Variants in KAZN observed in about 807,000 individuals in gnomAD.
The protein encoded by KAZN is kazrin.
KAZN carries 40 observed loss-of-function variants against 87.4 expected under a neutral mutation model. That is an observed-to-expected ratio of 0.46 (90% CI 0.36 to 0.60). KAZN has a LOEUF of 0.60. Ranked by LOEUF, KAZN falls within the 20% of genes least tolerant of loss-of-function variation. The probability of loss-of-function intolerance (pLI) is 0.00; values close to 1 mark genes in which losing one functional copy is unlikely to be tolerated. For synonymous variants in KAZN, 466 were observed against 458.3 expected, an observed-to-expected ratio of 1.02 and a Z score of -0.22; for missense variants, 898 against 1,073.9, an observed-to-expected ratio of 0.84 and a Z score of 2.29.
intron 1 of KAZN, among the ~76,000 whole-genome samples, chr1:14,131,157 A>G (rs967186369): frequency 6.6e-6 from 1 of 152,158 alleles, no homozygotes; most frequent in Non-Finnish European, 1.5e-5. Flanking sequence ...AAACAGCCAG[A>G]TCTTGTGAGA....
chr1:13,964,521 T>C (rs1641871601), intron 1 of KAZN, among the ~76,000 whole-genome samples: 1 of 152,186 alleles, frequency 6.6e-6, no homozygotes, highest in African/African-American at 2.4e-5. Flanking sequence ...TGCTCATTCA[T>C]GTGTCTGTGG....
chr1:14,332,680 C>T (rs1351581733), intron 2 of KAZN, among the ~76,000 whole-genome samples: 1 of 152,120 alleles, frequency 6.6e-6, no homozygotes, highest in Non-Finnish European at 1.5e-5. Flanking sequence ...CTGCACTAGA[C>T]TTGGACTCCA....
At chr1:14,581,085 C>G (rs978089075) in intron 2 of KAZN, among the ~76,000 whole-genome samples, 1 of 152,112 alleles carries the variant, frequency 6.6e-6, no homozygotes, top group African/African-American at 2.4e-5. Context: ...TGGATAACAT[C>G]TACATGCTGA....
chr1:14,560,605 C>T (rs1413950231), intron 2 of KAZN, among the ~76,000 whole-genome samples: 1 of 152,046 alleles, frequency 6.6e-6, no homozygotes, highest in Non-Finnish European at 1.5e-5. Context: ...TAATACCTAC[C>T]TGACAAGTTG....
intron 1 of KAZN, among the ~76,000 whole-genome samples, chr1:13,931,989 G>A (rs1262679272): frequency 2.0e-5 from 3 of 149,352 alleles, no homozygotes; most frequent in East Asian, 2.0e-4. Flanking sequence ...CTACAGGCAC[G>A]TACTGCTAGG....
chr1:14,219,931 A>T (rs1164560095), intron 2 of KAZN, among the ~76,000 whole-genome samples: 3 of 152,136 alleles, frequency 2.0e-5, no homozygotes, highest in Non-Finnish European at 4.4e-5. Context: ...AAGGCCATTG[A>T]TCATCTCTTA....
intron 2 of KAZN, among the ~76,000 whole-genome samples, chr1:14,508,348 C>A (rs1052306839): frequency 1.3e-5 from 2 of 152,210 alleles, no homozygotes; most frequent in Admixed American, 6.5e-5. Flanking sequence ...CAGATTACCC[C>A]CAAGACTTCA....
At chr1:14,553,361 A>G (rs2148515587) in intron 2 of KAZN, among the ~76,000 whole-genome samples, 2 of 152,260 alleles carry the variant, frequency 1.3e-5, no homozygotes, top group South Asian at 4.2e-4. Flanking sequence ...TCTGCCTCAA[A>G]AAACACATAT....
At chr1:14,441,674 TAGTG>T (rs999132556) in intron 2 of KAZN, among the ~76,000 whole-genome samples, 4 of 152,200 alleles carry the variant, frequency 2.6e-5, no homozygotes, top group Non-Finnish European at 2.9e-5. Flanking sequence ...CAATTTTACA[TAGTG>T]AGTCAAAATC....
chr1:14,395,059 C>A (rs1662779335), intron 2 of KAZN, among the ~76,000 whole-genome samples: 1 of 151,784 alleles, frequency 6.6e-6, no homozygotes, highest in Admixed American at 6.6e-5. Flanking sequence ...AGAATAGGCC[C>A]TACTGGGGCT....
At chr1:14,403,055 G>A (rs1206271762) in intron 2 of KAZN, among the ~76,000 whole-genome samples, 1 of 152,082 alleles carries the variant, frequency 6.6e-6, no homozygotes, top group African/African-American at 2.4e-5. Context: ...TTGAACTCCT[G>A]GCCTCAAGTG....
chr1:14,203,266 C>A (rs907781522), intron 2 of KAZN, among the ~76,000 whole-genome samples: 17 of 151,946 alleles, frequency 1.1e-4, no homozygotes, highest in Admixed American at 2.6e-4. Context: ...TGTCTGCATA[C>A]AGTAGGGGAT....
chr1:14,278,537 G>A (rs1242925836), intron 2 of KAZN, among the ~76,000 whole-genome samples: 10 of 151,980 alleles, frequency 6.6e-5, no homozygotes, highest in Non-Finnish European at 1.5e-4. Context: ...TAATCCACCT[G>A]CCTCAGCCTC....
chr1:14,883,350 G>GA (rs1276722129), intron 1 of KAZN, among the ~76,000 whole-genome samples: 643 of 34,330 alleles, frequency 0.019, 34 homozygotes, highest in Middle Eastern at 0.028. Flanking sequence ...GAGAAAGAAA[G>GA]AAAGAAAAGA....
rs80087284 is a variant in KAZN, at chr1:14,838,189, G to A, written c.227-122495G>A. On this transcript the variant is annotated intron_variant, in intron 1 of 14. Coordinates refer to ENST00000376030, the MANE Select transcript of KAZN (RefSeq NM_201628.3). ...TGGAGGAAGGGATGGAAGGGCAAAAGAGCTGTGGCTGTGTGAAGTCTCTTT... is the reference window on the plus strand; with the variant it reads ...TGGAGGAAGGGATGGAAGGGCAAAAAAGCTGTGGCTGTGTGAAGTCTCTTT... 9.3e-4 allele frequency among the ~76,000 whole-genome samples: 142 copies of A among 152,304 alleles called. No homozygotes were observed. The East Asian group carries it at 0.026, about 28-fold the overall frequency.
intron 2 of KAZN, among the ~76,000 whole-genome samples, chr1:14,420,564 C>T (rs929248594): frequency 1.1e-4 from 16 of 152,292 alleles, no homozygotes; most frequent in South Asian, 2.1e-4. Flanking sequence ...GTGCGCTCGT[C>T]GGGGAGGCTT....
At chr1:14,614,776 C>T (rs74057895) in intron 1 of KAZN, among the ~76,000 whole-genome samples, 2,630 of 152,306 alleles carry the variant, frequency 0.017, 71 homozygotes, top group African/African-American at 0.054. Flanking sequence ...AAGGGCCTCC[C>T]GGGTTTTTGT....
intron 2 of KAZN, among the ~76,000 whole-genome samples, chr1:14,334,242 G>A (rs998468521): frequency 5.3e-5 from 8 of 151,778 alleles, no homozygotes; most frequent in East Asian, 1.9e-4. Flanking sequence ...GTGTATGCCT[G>A]TAATCCCAGC....
chr1:14,018,504 G>A (rs931883135), intron 1 of KAZN, among the ~76,000 whole-genome samples: 1 of 152,134 alleles, frequency 6.6e-6, no homozygotes, highest in Non-Finnish European at 1.5e-5. Flanking sequence ...AATTTTGGGT[G>A]TCAACATGAC....
Sources: gnomAD v4.1 joint callset for allele counts (sites outside exome capture counted in the v4.1 genomes callset) on GRCh38, gnomAD v4.1.1 for gene constraint, MANE v1.5 for transcripts, NCBI Gene and HGNC (gene_info 2026-07-23, HGNC 2026-07-21) for gene names.